Variants in CLSTN2 observed in about 807,000 individuals in gnomAD.
CLSTN2 encodes the protein calsyntenin-2.
Under a neutral mutation model 101.2 loss-of-function variants are expected in CLSTN2, and 48 were observed. The observed-to-expected ratio is 0.47, with a 90% CI of 0.38 to 0.60. The LOEUF (loss-of-function observed/expected upper bound fraction) is 0.60. CLSTN2 is among the 20% of genes least tolerant of loss of function. CLSTN2 has a pLI of 0.00. For synonymous variants in CLSTN2, 481 were observed against 463.6 expected, an observed-to-expected ratio of 1.04 and a Z score of -0.48; for missense variants, 1,160 against 1,238.2, an observed-to-expected ratio of 0.94 and a Z score of 0.95.
intron 2 of CLSTN2, among the ~76,000 whole-genome samples, chr3:140,395,552 G>C (rs112503019): frequency 2.6e-5 from 4 of 152,202 alleles, no homozygotes; most frequent in African/African-American, 9.7e-5. Flanking sequence ...CCAGATGTGT[G>C]AAGAAACACC....
Position 140,093,708 on chromosome 3 carries a change from A to T in CLSTN2, c.110-82243A>T, listed in dbSNP as rs189125825. Among the ~76,000 whole-genome samples the T allele has an allele frequency of 1.4e-4, 22 of 152,312 alleles. No homozygotes were observed. The East Asian group carries it at 4.2e-3, about 29-fold the overall frequency. On this transcript the variant is annotated intron_variant, in intron 1 of 16. Transcript: ENST00000458420. ...CTCTCCCCTAAAGAAGGATTTTCCA[A>T]TGACCAGTGTGCAAAATTATTTTGA...
intron 5 of CLSTN2, among the ~76,000 whole-genome samples, chr3:140,446,170 C>T (rs1459450548): frequency 2.0e-5 from 3 of 152,146 alleles, no homozygotes; most frequent in Non-Finnish European, 4.4e-5. Context: ...CCTTTTGCTC[C>T]AGTGGTTTGT....
chr3:140,309,779 C>A (rs1028481702), intron 2 of CLSTN2, among the ~76,000 whole-genome samples: 2 of 152,092 alleles, frequency 1.3e-5, no homozygotes, highest in African/African-American at 2.4e-5. Context: ...TTCTGTGGGG[C>A]CTTCGTGTCC....
rs555967314 is a variant in CLSTN2 at position 140,077,648 on chromosome 3, G to A, written c.110-98303G>A. On this transcript the variant is annotated intron_variant, in intron 1 of 16. Coordinates refer to ENST00000458420, the MANE Select transcript of CLSTN2 (RefSeq NM_022131.3). ...GCCTACAAAACCCCATTGTGCCTGC[G>A]GTGAAAGAGGTCTTCTCAGTTTCCC... 7.9e-5 allele frequency among the ~76,000 whole-genome samples: 12 copies of A among 152,010 alleles called. No individual in the cohort carries two copies. The East Asian group carries it at 1.4e-3, about 17-fold the overall frequency.
At chr3:140,147,476 G>A (rs2009797531) in intron 1 of CLSTN2, among the ~76,000 whole-genome samples, 1 of 152,156 alleles carries the variant, frequency 6.6e-6, no homozygotes, top group Admixed American at 6.5e-5. Flanking sequence ...ACATGACAGG[G>A]TTTCCTGCAA....
chr3:140,366,476 G>A (rs1230420000), intron 2 of CLSTN2, among the ~76,000 whole-genome samples: 1 of 152,244 alleles, frequency 6.6e-6, no homozygotes, highest in Non-Finnish European at 1.5e-5. Flanking sequence ...TAAAATGCAT[G>A]GCAGCAGGCC....
At chr3:139,973,787 T>G (rs1258762697) in intron 1 of CLSTN2, among the ~76,000 whole-genome samples, 1 of 152,118 alleles carries the variant, frequency 6.6e-6, no homozygotes, top group East Asian at 1.9e-4. Flanking sequence ...TACAGATGTG[T>G]GCCACCATGC....
chr3:140,396,351 C>T (rs2088181948), intron 2 of CLSTN2, among the ~76,000 whole-genome samples: 2 of 152,130 alleles, frequency 1.3e-5, no homozygotes, highest in African/African-American at 2.4e-5. Flanking sequence ...GAATGTCACA[C>T]ATGTGACATT....
chr3:140,053,132 G>A (rs1299571674), intron 1 of CLSTN2, among the ~76,000 whole-genome samples: 6 of 152,128 alleles, frequency 3.9e-5, no homozygotes, highest in Non-Finnish European at 8.8e-5. Flanking sequence ...CTGAACACAA[G>A]CATCCTCCTG....
At chr3:140,243,518 T>C (rs1490343325) in intron 2 of CLSTN2, among the ~76,000 whole-genome samples, 2 of 152,208 alleles carry the variant, frequency 1.3e-5, no homozygotes, top group Admixed American at 1.3e-4. Flanking sequence ...TGTGCACCTA[T>C]GTGTGCACAA....
chr3:140,408,540 G>A (rs138981795), intron 4 of CLSTN2, among the ~76,000 whole-genome samples: 3 of 152,260 alleles, frequency 2.0e-5, no homozygotes, highest in South Asian at 2.1e-4. Context: ...TTACCATTAC[G>A]GAACTCAGCA....
chr3:140,174,243 A>G (rs536829413), intron 1 of CLSTN2, among the ~76,000 whole-genome samples: 1 of 152,302 alleles, frequency 6.6e-6, no homozygotes, highest in East Asian at 1.9e-4. Context: ...AAATGCTGCC[A>G]GTCTCTGCTA....
In CLSTN2 at chr3:140,313,389, A is replaced by G. The variant is rs571578107; in HGVS notation, c.233-90240A>G. On this transcript the variant is annotated intron_variant, in intron 2 of 16. Coordinates refer to ENST00000458420, the MANE Select transcript of CLSTN2 (RefSeq NM_022131.3). ...GCCGTGGTACCCTGACAGGAGGCTAAAAGGGGAGGAATTTTTTTTCCACCT... is the reference window on the plus strand; with the variant it reads ...GCCGTGGTACCCTGACAGGAGGCTAGAAGGGGAGGAATTTTTTTTCCACCT... 1.1e-4 allele frequency among the ~76,000 whole-genome samples: 17 copies of G among 152,282 alleles called. 1 individual carries two copies. Among genetic ancestry groups the G allele is most frequent in the African/African-American group, 4.1e-4 (17 of 41,552 alleles).
intron 1 of CLSTN2, among the ~76,000 whole-genome samples, chr3:140,042,525 A>T (rs4683789): frequency 0.084 from 12,731 of 151,450 alleles, 569 homozygotes; most frequent in East Asian, 0.16. Flanking sequence ...AGTTTCTTTT[A>T]TTATTATTAT....
Position 140,546,698 on chromosome 3 carries a change from C to A in CLSTN2, c.1674+17C>A, listed in dbSNP as rs781573279. 6.3e-6 allele frequency: 10 copies of A among 1,598,696 alleles called. No homozygotes were observed. The South Asian group carries it at 1.0e-4, about 16-fold the overall frequency. On this transcript the variant is annotated intron_variant, in intron 10 of 16. Coordinates refer to ENST00000458420, the MANE Select transcript of CLSTN2 (RefSeq NM_022131.3). ...GGAATAAAGGTAAGGCAGGAGCTGG[C>A]ATCACTCCCAATAAGACAGGGATTC... is the stretch of plus-strand genomic sequence containing the variant.
intron 1 of CLSTN2, among the ~76,000 whole-genome samples, chr3:140,026,288 GCCAACCATAC>G (rs1560073258): frequency 1.3e-5 from 2 of 152,148 alleles, no homozygotes; most frequent in Non-Finnish European, 1.5e-5. Flanking sequence ...GAGCATAAAA[GCCAACCATAC>G]CCAATATCTT....
rs528281668 is a variant in CLSTN2, at chr3:140,556,350, G to A, written c.1675-163G>A. Among the ~76,000 whole-genome samples the A allele has an allele frequency of 3.3e-5, 5 of 152,172 alleles. No individual in the cohort carries two copies. In the South Asian group the frequency reaches 1.0e-3, roughly 32 times the overall value. On this transcript the variant is annotated intron_variant, in intron 10 of 16. Coordinates refer to ENST00000458420, the MANE Select transcript of CLSTN2 (RefSeq NM_022131.3). ...CACCAGAGAGTAGGAGGAAATGCTTGAGAGTTTAAACACTATCATTTGTAC... is the reference window on the plus strand; with the variant it reads ...CACCAGAGAGTAGGAGGAAATGCTTAAGAGTTTAAACACTATCATTTGTAC...
intron 1 of CLSTN2, among the ~76,000 whole-genome samples, chr3:140,089,531 AG>A (rs1313261449): frequency 6.6e-6 from 1 of 152,114 alleles, no homozygotes; most frequent in African/African-American, 2.4e-5. Context: ...AAAGAAATAA[AG>A]CCCCGTGTTT....
chr3:140,471,477 C>T (rs957850577), intron 8 of CLSTN2, among the ~76,000 whole-genome samples: 2 of 152,146 alleles, frequency 1.3e-5, no homozygotes, highest in African/African-American at 4.8e-5. Context: ...GCAACAAGCA[C>T]AGGATGCAAA....
Sources: allele counts gnomAD v4.1 joint callset (sites outside exome capture counted in the v4.1 genomes callset), GRCh38; gene constraint gnomAD v4.1.1; transcripts MANE v1.5; gene names NCBI Gene and HGNC (gene_info 2026-07-23, HGNC 2026-07-21).